The following ATG7 variants were observed in gnomAD, a reference collection of about 807,000 sequenced individuals.
The protein encoded by ATG7 is autophagy related 7.
ATG7 carries 70 observed loss-of-function variants against 82.4 expected under a neutral mutation model. That is an observed-to-expected ratio of 0.85 (90% confidence interval 0.70 to 1.04). The LOEUF (loss-of-function observed/expected upper bound fraction) is 1.04. Ranked by LOEUF, ATG7 falls within the 50% of genes least tolerant of loss-of-function variation. ATG7 has a pLI of 0.00. For synonymous variants in ATG7, 287 were observed against 313.0 expected (o/e 0.92, Z 0.88); for missense variants, 792 against 864.3 (o/e 0.92, Z 1.05).
chr3:11,535,652 C>A (rs1353289176), intron 20 of ATG7, among the ~76,000 whole-genome samples: 1 of 152,062 alleles, frequency 6.6e-6, no homozygotes, highest in Non-Finnish European at 1.5e-5. Flanking sequence ...CACACAGGGT[C>A]CCTCTGAGGA....
At chr3:11,551,778 T>C (rs2071816946) in intron 20 of ATG7, among the ~76,000 whole-genome samples, 1 of 151,566 alleles carries the variant, frequency 6.6e-6, no homozygotes, top group African/African-American at 2.4e-5. Flanking sequence ...AGGCAGGGTC[T>C]CACCCTGTCG....
In ATG7 at chr3:11,308,962, G is replaced by A. The variant is rs1575341971; in HGVS notation, c.334-22G>A. 3 of 1,606,260 alleles carry A rather than the reference G, an allele frequency of 1.9e-6. No homozygotes were observed. The East Asian group carries it at 6.7e-5, about 36-fold the overall frequency. On this transcript the variant is annotated intron_variant, in intron 6 of 20. Coordinates refer to ENST00000693202, the MANE Select transcript of ATG7 (RefSeq NM_001349232.2). ...TCAGAGATGCCTGGTAACCTGCCTT[G>A]ATGCTTTTCTTCTTCTTGCAGATAT...
At chr3:11,510,696 A>C (rs2092007980) in intron 20 of ATG7, among the ~76,000 whole-genome samples, 1 of 152,188 alleles carries the variant, frequency 6.6e-6, no homozygotes, top group Non-Finnish European at 1.5e-5. Flanking sequence ...TCTCAACATG[A>C]AACAAAAATG....
chr3:11,534,083 C>T (rs150147341), intron 20 of ATG7, among the ~76,000 whole-genome samples: 19 of 152,248 alleles, frequency 1.2e-4, no homozygotes, highest in African/African-American at 4.1e-4. Flanking sequence ...CTCCTCCCCC[C>T]CCAGGGGAAA....
At chr3:11,404,827 A>G (rs1454865540) in intron 19 of ATG7, among the ~76,000 whole-genome samples, 2 of 152,048 alleles carry the variant, frequency 1.3e-5, no homozygotes, top group East Asian at 3.9e-4. Flanking sequence ...AGATCTCGTG[A>G]GACTTATTCA....
chr3:11,334,684 G>A (rs909345686), intron 11 of ATG7, among the ~76,000 whole-genome samples: 2 of 151,410 alleles, frequency 1.3e-5, no homozygotes, highest in Non-Finnish European at 2.9e-5. Flanking sequence ...AAGGCCAGGC[G>A]CCGTGGGTTA....
downstream of ATG7, chr3:11,557,803 G>T (rs1053569041): frequency 6.6e-6 from 1 of 152,636 alleles, no homozygotes. Flanking sequence ...AAACTGCAGT[G>T]TTCAGAGAAG....
chr3:11,503,145 A>C (rs946068652), intron 20 of ATG7, among the ~76,000 whole-genome samples: 1 of 152,150 alleles, frequency 6.6e-6, no homozygotes, highest in Admixed American at 6.5e-5. Flanking sequence ...ACCAGCTCAA[A>C]AGAGCAGTTG....
chr3:11,362,790 CA>C lies in ATG7; in HGVS notation c.1684-22del, dbSNP rs778371390. The C allele has an allele frequency of 2.5e-6, 4 of 1,604,350 alleles. No homozygotes were observed. The South Asian group carries it at 4.4e-5, about 18-fold the overall frequency. On this transcript the variant is annotated intron_variant, in intron 16 of 20. Transcript: ENST00000693202. Reference sequence around the variant, plus strand: ...TGAATGGAGTAGAACGTTCTGCACACACCAATGATTGTTTCTTTGCAGTCAA... The same window carrying C: ...TGAATGGAGTAGAACGTTCTGCACACCCAATGATTGTTTCTTTGCAGTCAA...
At chr3:11,275,658 C>A (rs1488077119) in intron 1 of ATG7, among the ~76,000 whole-genome samples, 1 of 151,932 alleles carries the variant, frequency 6.6e-6, no homozygotes, top group East Asian at 1.9e-4. Flanking sequence ...GCTTCCTCTC[C>A]CCTTTCTATC....
At chr3:11,397,502 G>T (rs2079411245) in intron 19 of ATG7, among the ~76,000 whole-genome samples, 1 of 151,968 alleles carries the variant, frequency 6.6e-6, no homozygotes, top group Non-Finnish European at 1.5e-5. Context: ...CTGTCACCCA[G>T]GCTGGAGTGC....
intron 20 of ATG7, among the ~76,000 whole-genome samples, chr3:11,545,444 G>A (rs1226234193): frequency 6.6e-6 from 1 of 152,204 alleles, no homozygotes; most frequent in Non-Finnish European, 1.5e-5. Flanking sequence ...AGCGAGCCCT[G>A]CCTCCCATCC....
chr3:11,450,188 T>G (rs1381542225), intron 20 of ATG7, among the ~76,000 whole-genome samples: 1 of 4,442 alleles, frequency 2.3e-4, no homozygotes, highest in African/African-American at 1.1e-3. Context: ...TTAAGGCACA[T>G]GGAACCTAAG....
intron 5 of ATG7, among the ~76,000 whole-genome samples, chr3:11,303,370 GAAAA>G (rs953259500): frequency 6.6e-6 from 1 of 151,352 alleles, no homozygotes; most frequent in African/African-American, 2.4e-5. Context: ...GTGAAGCTGA[GAAAA>G]AAAAAGAATT....
At chr3:11,313,491 A>G (rs2152722050) in intron 8 of ATG7, 71 bp downstream of exon 8, 1 of 1,109,804 alleles carries the variant, frequency 9.0e-7, no homozygotes. Flanking sequence ...AGTTCTTTCC[A>G]AAGACAAACA....
At chr3:11,559,798 G>A (rs1318540440), downstream of ATG7, among the ~76,000 whole-genome samples, 1 of 152,148 alleles carries the variant, frequency 6.6e-6, no homozygotes, top group Non-Finnish European at 1.5e-5. Context: ...GAGGGACCTC[G>A]ATTCTCCCGT....
intron 20 of ATG7, among the ~76,000 whole-genome samples, chr3:11,448,221 C>T (rs1032722500): frequency 2.0e-5 from 3 of 152,226 alleles, no homozygotes; most frequent in African/African-American, 7.2e-5. Context: ...AAACAAAGAA[C>T]TTTCTCTGAG....
At chr3:11,442,740 A>C (rs73019529) in intron 20 of ATG7, among the ~76,000 whole-genome samples, 1,986 of 19,186 alleles carry the variant, frequency 0.1, 76 homozygotes, top group East Asian at 0.15. Context: ...CCATCTCTAC[A>C]AAAAAAAAAA....
intron 20 of ATG7, among the ~76,000 whole-genome samples, chr3:11,463,963 A>T (rs1051484174): frequency 1.3e-5 from 2 of 152,364 alleles, no homozygotes; most frequent in South Asian, 4.1e-4. Context: ...GGAAGACAGG[A>T]TGGTGGCAAA....
Sources: allele counts gnomAD v4.1 joint callset (sites outside exome capture counted in the v4.1 genomes callset), GRCh38; gene constraint gnomAD v4.1.1; transcripts MANE v1.5; gene names NCBI Gene and HGNC (gene_info 2026-07-23, HGNC 2026-07-21).